Variants in ARMH3 observed in about 807,000 individuals in gnomAD.
The protein encoded by ARMH3 is armadillo like helical domain containing 3, also known as armadillo-like helical domain-containing protein 3.
In ARMH3, 60 loss-of-function variants were observed where a neutral mutation model predicts 99.1. The observed-to-expected ratio is 0.61, with a 90% CI of 0.49 to 0.75. ARMH3 has a LOEUF of 0.75. Ranked by LOEUF, ARMH3 falls within the 30% of genes least tolerant of loss-of-function variation. ARMH3 has a pLI of 0.00. For missense variants in ARMH3, 679 were observed against 843.1 expected, an observed-to-expected ratio of 0.81 and a Z score of 2.41; for synonymous variants, 285 against 292.8, an observed-to-expected ratio of 0.97 and a Z score of 0.27.
chr10:101,849,147 G>A (rs61874115), intron 25 of ARMH3, among the ~76,000 whole-genome samples: 7,472 of 152,274 alleles, frequency 0.049, 202 homozygotes, highest in Middle Eastern at 0.095. Context: ...CCCCAGCCAG[G>A]ATGTTTGTGT....
At chr10:101,944,818 A>C (rs1026404377) in intron 22 of ARMH3, among the ~76,000 whole-genome samples, 3 of 152,290 alleles carry the variant, frequency 2.0e-5, no homozygotes, top group African/African-American at 7.2e-5. Flanking sequence ...CATCTCAAAA[A>C]AAAAAGAGCA....
intron 16 of ARMH3, 136 bp downstream of exon 16, chr10:101,995,160 TA>T: frequency 1.4e-6 from 1 of 733,960 alleles, no homozygotes; most frequent in African/African-American, 1.8e-5. Context: ...AGAAGACAGA[TA>T]ATACAAAGGG....
chr10:102,013,150 A>C (rs1205783204), intron 9 of ARMH3, among the ~76,000 whole-genome samples: 2 of 152,230 alleles, frequency 1.3e-5, no homozygotes, highest in Non-Finnish European at 2.9e-5. Flanking sequence ...TGACAATTTC[A>C]CTGGGATCAT....
At chr10:101,881,151 A>G (rs568274686) in intron 24 of ARMH3, among the ~76,000 whole-genome samples, 14 of 152,350 alleles carry the variant, frequency 9.2e-5, no homozygotes, top group African/African-American at 3.4e-4. Flanking sequence ...ACAACATTAT[A>G]CAGGTCTCCT....
At chr10:102,033,677 C>T (rs1025112953) in intron 2 of ARMH3, among the ~76,000 whole-genome samples, 1 of 152,208 alleles carries the variant, frequency 6.6e-6, no homozygotes, top group Non-Finnish European at 1.5e-5. Flanking sequence ...CTCAGACTCC[C>T]AAAGTGCTGG....
At position 101,845,697 on chromosome 10, in the gene ARMH3, C is replaced by T. The variant is rs948304391; in HGVS notation, c.*1831G>A. The T allele has an allele frequency of 6.6e-6, 1 of 152,182 alleles. No individual in the cohort carries two copies. Among genetic ancestry groups the T allele is most frequent in the Non-Finnish European group, 1.5e-5 (1 of 68,044 alleles). The allele number at this position is 152,182 out of a possible 1,614,324, so 9.4% of individuals were successfully genotyped here. A position where few individuals can be genotyped will look rare whatever the true frequency, so the allele number is the denominator to read the frequency against. On this transcript the variant is annotated 3_prime_UTR_variant, in exon 26 of 26. Coordinates refer to ENST00000370033, the MANE Select transcript of ARMH3 (RefSeq NM_024541.3). ...TATCACCAGGGAAAACACTAAATGC[C>T]CCAGGCTGAGCTATCCATCCAGTGA...
chr10:102,027,642 G>A (rs562232236), intron 5 of ARMH3, among the ~76,000 whole-genome samples: 3 of 151,944 alleles, frequency 2.0e-5, no homozygotes, highest in Admixed American at 6.6e-5. Flanking sequence ...GAGACATTAA[G>A]GCTAAAGACA....
chr10:101,947,669 G>A (rs920950693), intron 22 of ARMH3, among the ~76,000 whole-genome samples: 102 of 152,048 alleles, frequency 6.7e-4, no homozygotes, highest in African/African-American at 2.4e-3. Context: ...GTGTGGTGGC[G>A]CATGCCTGTA....
chr10:101,974,769 C>T (rs1444020089), intron 20 of ARMH3, among the ~76,000 whole-genome samples: 4 of 152,176 alleles, frequency 2.6e-5, no homozygotes, highest in South Asian at 2.1e-4. Context: ...CTCCCCACCC[C>T]GTCCCCATCC....
At chr10:101,962,555 G>A (rs1845345097) in intron 20 of ARMH3, among the ~76,000 whole-genome samples, 1 of 152,140 alleles carries the variant, frequency 6.6e-6, no homozygotes, top group South Asian at 2.1e-4. Flanking sequence ...TGCTTGCTAG[G>A]TGCTAGATAT....
At chr10:101,893,118 T>C (rs78134907) in intron 23 of ARMH3, among the ~76,000 whole-genome samples, 1 of 152,064 alleles carries the variant, frequency 6.6e-6, no homozygotes, top group African/African-American at 2.4e-5. Context: ...AGAAGGTAGG[T>C]GAAGCAAGTT....
chr10:102,034,243 G>A (rs1297547079), intron 2 of ARMH3, among the ~76,000 whole-genome samples: 2 of 152,144 alleles, frequency 1.3e-5, no homozygotes, highest in East Asian at 1.9e-4. Context: ...GGTCCAAAGA[G>A]TAAGCAAAAT....
At chr10:102,046,627 G>A (rs2067560148) in intron 1 of ARMH3, among the ~76,000 whole-genome samples, 1 of 152,164 alleles carries the variant, frequency 6.6e-6, no homozygotes, top group African/African-American at 2.4e-5. Context: ...ACTCCAGCCT[G>A]GGCAACGAAT....
intron 23 of ARMH3, among the ~76,000 whole-genome samples, chr10:101,928,643 T>C (rs1201575748): frequency 6.6e-6 from 1 of 152,220 alleles, no homozygotes; most frequent in Non-Finnish European, 1.5e-5. Context: ...CACTCCAGCC[T>C]GGGCAAGAGA....
chr10:101,887,793 T>C (rs1052764487), intron 24 of ARMH3, among the ~76,000 whole-genome samples: 1 of 152,024 alleles, frequency 6.6e-6, no homozygotes, highest in Non-Finnish European at 1.5e-5. Flanking sequence ...CATTCTCCTA[T>C]GAAATCCCTC....
chr10:101,896,908 G>A (rs2067851796), intron 23 of ARMH3, among the ~76,000 whole-genome samples: 1 of 152,182 alleles, frequency 6.6e-6, no homozygotes, highest in Admixed American at 6.5e-5. Flanking sequence ...ACCTGGAGGT[G>A]AGAAGAGTCC....
At chr10:102,046,508 C>T (rs1426076661) in intron 1 of ARMH3, among the ~76,000 whole-genome samples, 5 of 151,966 alleles carry the variant, frequency 3.3e-5, no homozygotes, top group Admixed American at 6.6e-5. Context: ...CAAAATTAGC[C>T]GGGCATGGTA....
chr10:101,989,496 G>T (rs1217667037), intron 19 of ARMH3, among the ~76,000 whole-genome samples: 1 of 152,124 alleles, frequency 6.6e-6, no homozygotes, highest in Non-Finnish European at 1.5e-5. Context: ...TGAAGTGGGC[G>T]GATCACCTGA....
intron 24 of ARMH3, among the ~76,000 whole-genome samples, chr10:101,859,204 T>C (rs536289699): frequency 6.6e-6 from 1 of 152,336 alleles, no homozygotes; most frequent in East Asian, 1.9e-4. Context: ...TAGATTGAGA[T>C]AGTGTCACAC....
Sources: gnomAD v4.1 joint callset for allele counts (sites outside exome capture counted in the v4.1 genomes callset) on GRCh38, gnomAD v4.1.1 for gene constraint, MANE v1.5 for transcripts, NCBI Gene and HGNC (gene_info 2026-07-23, HGNC 2026-07-21) for gene names.